Variants in PLA2G4D observed in about 807,000 individuals in gnomAD.
PLA2G4D encodes cytosolic phospholipase A2 delta.
PLA2G4D carries 80 observed loss-of-function variants against 94.4 expected under a neutral mutation model. That is an observed-to-expected ratio of 0.85 (90% CI 0.71 to 1.02). The LOEUF (loss-of-function observed/expected upper bound fraction) is 1.02. Among genes scored for constraint, PLA2G4D ranks in the 50% least tolerant of loss-of-function variants. The pLI, the probability that PLA2G4D is intolerant of heterozygous loss-of-function variation, is 0.00. For synonymous variants in PLA2G4D, 438 were observed against 440.9 expected (o/e 0.99, Z 0.08); for missense variants, 1,050 against 1,034.7 (o/e 1.01, Z -0.20).
chr15:42,070,312 G>A lies in PLA2G4D; in HGVS notation c.2044-217C>T, dbSNP rs142521870. 3.9e-4 allele frequency: 214 copies of A among 545,346 alleles called. No homozygotes were observed. The African/African-American group carries it at 4.0e-3, about 10-fold the overall frequency. The allele number at this position is 545,346 out of a possible 1,614,324, so 33.8% of individuals were successfully genotyped here. On this transcript the variant is annotated intron_variant, in intron 18 of 19. Coordinates refer to ENST00000290472, the MANE Select transcript of PLA2G4D (RefSeq NM_178034.4). ...TGTTTGGTTAAAAGCTCTAGGTGGG[G>A]TCAGACCCATCCCCCAGCCCCCCAA...
intron 3 of PLA2G4D, among the ~76,000 whole-genome samples, chr15:42,086,646 T>C (rs927691645): frequency 2.0e-5 from 3 of 151,798 alleles, no homozygotes; most frequent in Admixed American, 6.6e-5. Flanking sequence ...ATGTCGAGAG[T>C]TCGAGACCAG....
chr15:42,085,925 A>C (rs551432430), intron 4 of PLA2G4D, among the ~76,000 whole-genome samples: 1 of 152,230 alleles, frequency 6.6e-6, no homozygotes, highest in African/African-American at 2.4e-5. Context: ...GGCCTTCACA[A>C]AGCAGGCCTT....
At position 42,081,068 on chromosome 15, in the gene PLA2G4D, G is replaced by A. The variant is rs779650066; in HGVS notation, c.1023C>T (p.His341=). 13 of 1,614,198 alleles carry A rather than the reference G, an allele frequency of 8.1e-6. No homozygotes were observed. The highest frequency in any genetic ancestry group is 5.0e-5 in the Admixed American group (3 of 60,018). Reference sequence around the variant, plus strand: ...GGCCCAGCTTCTGCAAGGCCAATAGGTGGCCGTAGAGTGAGGTCATGGCCC... The same window carrying A: ...GGCCCAGCTTCTGCAAGGCCAATAGATGGCCGTAGAGTGAGGTCATGGCCC... ...GARAMTSLYG[H]LLALQKLGLL... is the part of the protein sequence containing the mutation. The change falls in exon 12 of 20, where the codon CAC becomes CAT. Residue 341 remains histidine, a synonymous_variant. Coordinates refer to ENST00000290472, the MANE Select transcript of PLA2G4D (RefSeq NM_178034.4).
Position 42,081,438 on chromosome 15 carries a change from G to A in PLA2G4D, c.957+41C>T, listed in dbSNP as rs141813155. ...GGAATCAGGTACTCCCTTATGGCCCGTCCAGGATATCTGCACACACATCCC... is the reference window on the plus strand; with the variant it reads ...GGAATCAGGTACTCCCTTATGGCCCATCCAGGATATCTGCACACACATCCC... On this transcript the variant is annotated intron_variant, in intron 11 of 19. Coordinates refer to ENST00000290472, the MANE Select transcript of PLA2G4D (RefSeq NM_178034.4). 758 of 1,598,750 alleles carry A rather than the reference G, an allele frequency of 4.7e-4. 10 individuals carry two copies. The South Asian group carries it at 5.3e-3, about 11-fold the overall frequency.
In PLA2G4D at chr15:42,084,680, G is replaced by T. The variant is rs763024688; in HGVS notation, c.471+416C>A. On this transcript the variant is annotated intron_variant, in intron 6 of 19. Transcript: ENST00000290472. The surrounding 1 kb of genome is among the most constrained non-coding windows in gnomAD (Gnocchi z 4.8). The stretch of plus-strand genomic sequence containing the variant: ...CTGAGCCTCTGATCCTCCTAGGTTG[G>T]CAGTACACCGCCCTGGGAACTCCCT... Among the ~76,000 whole-genome samples the T allele has an allele frequency of 5.3e-5, 8 of 152,304 alleles. No homozygotes were observed. The East Asian group carries it at 1.5e-3, about 29-fold the overall frequency.
At chr15:42,077,415 A>T (rs1325919333) in intron 13 of PLA2G4D, among the ~76,000 whole-genome samples, 1 of 152,260 alleles carries the variant, frequency 6.6e-6, no homozygotes, top group Non-Finnish European at 1.5e-5. Flanking sequence ...CCAGGAACGC[A>T]AGGATGGTTC....
intron 13 of PLA2G4D, among the ~76,000 whole-genome samples, chr15:42,076,797 A>G (rs1453464724): frequency 2.0e-5 from 3 of 152,242 alleles, no homozygotes; most frequent in Non-Finnish European, 4.4e-5. Context: ...GTTTGGCAAT[A>G]CCTAGGAAAG....
chr15:42,094,343 A>C, intron 1 of PLA2G4D, 72 bp downstream of exon 1: 2 of 1,564,102 alleles, frequency 1.3e-6, no homozygotes, highest in Non-Finnish European at 1.8e-6. Flanking sequence ...TCCAGCTATC[A>C]CACTTCCCAG....
In PLA2G4D at chr15:42,070,847, G is replaced by T. The variant is rs771474176; in HGVS notation, c.1913C>A (p.Pro638His). The change falls in exon 18 of 20, where the codon CCC becomes CAC. Residue 638 changes from proline (P) to histidine (H), a missense_variant. Transcript: ENST00000290472. ...QLDSMPSQLTPKEPRLCLVDA... is the reference protein window; with the variant it reads ...QLDSMPSQLTHKEPRLCLVDA... The stretch of plus-strand genomic sequence containing the variant: ...CACCAGGCAGAGCCGGGGCTCCTTG[G>T]GGGTCAGCTGGCTGGGCATGGAGTC... The T allele has an allele frequency of 1.2e-6, 2 of 1,611,930 alleles. No homozygotes were observed. The highest frequency in any genetic ancestry group is 4.5e-5 in the East Asian group (2 of 44,838).
At position 42,069,954 on chromosome 15, in the gene PLA2G4D, G is replaced by A. The variant is rs117476596; in HGVS notation, c.2185C>T (p.His729Tyr). 13 of 1,461,146 alleles carry A rather than the reference G, an allele frequency of 8.9e-6. No homozygotes were observed. Among genetic ancestry groups the A allele is most frequent in the Admixed American group, 3.1e-5 (1 of 32,542 alleles). The allele number at this position is 1,461,146 out of a possible 1,614,324, so 90.5% of individuals were successfully genotyped here. ...PACPEAPILLHFPLVNASFKD... is the reference protein window; with the variant it reads ...PACPEAPILLYFPLVNASFKD... ...AAGGAGGCATTGACCAGCGGGAAGT[G>A]CAGCAGGATCGGGGCCTCGGGGCAG... Residue 729 changes from histidine to tyrosine, a missense_variant, in exon 19 of 20, where the codon CAC (histidine) becomes TAC (tyrosine). By Grantham distance (83) the His-to-Tyr change is moderately conservative. Coordinates refer to ENST00000290472, the MANE Select transcript of PLA2G4D (RefSeq NM_178034.4).
At chr15:42,072,823 C>T (rs1006204476) in intron 13 of PLA2G4D, among the ~76,000 whole-genome samples, 17 of 152,222 alleles carry the variant, frequency 1.1e-4, no homozygotes, top group African/African-American at 3.9e-4. Flanking sequence ...ACTGCCCCCT[C>T]TTCTAGGTTC....
chr15:42,071,717 G>A, intron 15 of PLA2G4D, 57 bp downstream of exon 15: 2 of 1,560,490 alleles, frequency 1.3e-6, no homozygotes, highest in South Asian at 2.2e-5. Flanking sequence ...CAGGACCCAT[G>A]TCCATTCAGA....
chr15:42,072,218 G>C lies in PLA2G4D; in HGVS notation c.1435+57C>G, dbSNP rs541144407. On this transcript the variant is annotated intron_variant, in intron 14 of 19. Transcript: ENST00000290472. ...CAGCATGAATTCTCTGGGGGCTGTC[G>C]GGGTGCAGAGGGTTTGGGGGGTGGA... 1.3e-4 allele frequency: 180 copies of C among 1,432,236 alleles called. 1 individual carries two copies. The highest frequency in any genetic ancestry group is 1.1e-3 in the Admixed American group (63 of 57,724). 88.7% of individuals were successfully genotyped at this position (1,432,236 alleles called of 1,614,324 possible).
At chr15:42,090,700 G>C (rs1054296258) in intron 1 of PLA2G4D, among the ~76,000 whole-genome samples, 1 of 152,170 alleles carries the variant, frequency 6.6e-6, no homozygotes, top group Non-Finnish European at 1.5e-5. Flanking sequence ...GGCAGACTCA[G>C]GCTCCCAAAT....
chr15:42,093,904 A>G (rs1047178474), intron 1 of PLA2G4D, among the ~76,000 whole-genome samples: 2 of 151,918 alleles, frequency 1.3e-5, no homozygotes, highest in African/African-American at 4.8e-5. Context: ...GGAGAAACAC[A>G]TGACAGAGGG....
At position 42,087,685 on chromosome 15, in the gene PLA2G4D, A is replaced by G. The variant is rs1890178248; in HGVS notation, c.61T>C (p.Cys21Arg). The G allele has an allele frequency of 1.9e-6, 3 of 1,614,140 alleles. No homozygotes were observed. The highest frequency in any genetic ancestry group is 2.5e-6 in the Non-Finnish European group (3 of 1,180,004). Reference protein sequence around the residue: ...GHPYQGEASTCWQLTVRVLEA... With the variant: ...GHPYQGEASTRWQLTVRVLEA... Reference sequence around the variant, plus strand: ...AGGACCCTCACTGTGAGCTGCCAGCAGGTAGAGGCCTCCCCCTGAAGAGAA... The same window carrying G: ...AGGACCCTCACTGTGAGCTGCCAGCGGGTAGAGGCCTCCCCCTGAAGAGAA... The change falls in exon 2 of 20, where the codon TGC becomes CGC. Residue 21 changes from cysteine to arginine, a missense_variant. Physicochemically the swap from Cys to Arg is radical, Grantham distance 180 (BLOSUM62 -3). Transcript: ENST00000290472.
intron 2 of PLA2G4D, 69 bp downstream of exon 2, chr15:42,087,559 T>A: frequency 1.2e-6 from 2 of 1,606,224 alleles, no homozygotes; most frequent in Non-Finnish European, 1.7e-6. Context: ...CCCAGGGCAC[T>A]CGTCTTGGCC....
intron 7 of PLA2G4D, 42 bp downstream of exon 7, chr15:42,083,674 A>G: frequency 6.2e-7 from 1 of 1,609,662 alleles, no homozygotes; most frequent in Non-Finnish European, 8.5e-7. Context: ...CCTCACCCCC[A>G]CATCCAGGCA....
Position 42,086,194 on chromosome 15 carries a change from T to TCACC in PLA2G4D, c.387+18_387+19insGGTG. The TCACC allele has an allele frequency of 5.8e-6, 8 of 1,370,444 alleles. No homozygotes were observed. Among genetic ancestry groups the TCACC allele is most frequent in the South Asian group, 1.5e-5 (1 of 66,866 alleles). The allele number at this position is 1,370,444 out of a possible 1,614,324, so 84.9% of individuals were successfully genotyped here. The stretch of plus-strand genomic sequence containing the variant: ...GGAAGAAGTGGGGCCCACGGGGACT[T>TCACC]CCCCACCCACCCACCCACCTGGGGA... On this transcript the variant is annotated intron_variant, in intron 4 of 19. Transcript: ENST00000290472.
Sources: allele counts gnomAD v4.1 joint callset (sites outside exome capture counted in the v4.1 genomes callset), GRCh38; gene constraint gnomAD v4.1.1; non-coding constraint Gnocchi (gnomAD v3.1); transcripts MANE v1.5; gene names NCBI Gene and HGNC (gene_info 2026-07-23, HGNC 2026-07-21).